Variants in ANO10 observed in about 807,000 individuals in gnomAD.
The protein encoded by ANO10 is anoctamin 10, also known as anoctamin-10.
In ANO10, 77 loss-of-function variants were observed where a neutral mutation model predicts 74.7. The observed-to-expected ratio is 1.03, with a 90% CI of 0.86 to 1.25. The LOEUF is 1.25. Among genes scored for constraint, ANO10 ranks in the 50% most tolerant of loss-of-function variants. ANO10 has a pLI of 0.00. For synonymous variants in ANO10, 279 were observed against 284.9 expected (o/e 0.98, Z 0.21); for missense variants, 721 against 778.1 (o/e 0.93, Z 0.87).
At chr3:43,542,935 A>G (rs1003309532) in intron 11 of ANO10, among the ~76,000 whole-genome samples, 3 of 152,188 alleles carry the variant, frequency 2.0e-5, no homozygotes, top group Non-Finnish European at 4.4e-5. Context: ...CACCTGCTCA[A>G]TACCAGACAC....
chr3:43,497,802 A>T (rs1481196543), intron 11 of ANO10, among the ~76,000 whole-genome samples: 1 of 152,144 alleles, frequency 6.6e-6, no homozygotes, highest in Non-Finnish European at 1.5e-5. Context: ...TGAAATAAAG[A>T]TTTTTATTCT....
At chr3:43,613,467 G>T (rs779933987) in intron 1 of ANO10, among the ~76,000 whole-genome samples, 1 of 152,118 alleles carries the variant, frequency 6.6e-6, no homozygotes, top group Non-Finnish European at 1.5e-5. Flanking sequence ...CAGAGCAGAG[G>T]GGCTACATTT....
intron 10 of ANO10, among the ~76,000 whole-genome samples, chr3:43,554,177 G>C (rs953802797): frequency 2.0e-5 from 3 of 148,498 alleles, no homozygotes; most frequent in Non-Finnish European, 4.5e-5. Flanking sequence ...TCTATGATGA[G>C]TGATTTTTCT....
chr3:43,382,326 T>C (rs1332948742), intron 12 of ANO10, among the ~76,000 whole-genome samples: 8 of 152,030 alleles, frequency 5.3e-5, no homozygotes, highest in African/African-American at 1.4e-4. Flanking sequence ...GAGACCACCC[T>C]GGCTAACACG....
chr3:43,576,787 C>T lies in ANO10; in HGVS notation c.1067G>A (p.Ser356Asn), dbSNP rs779618110. ...GATGCTGGGCACATACAACAGGACA[C>T]TGGTCCACTCAGACCCGCTGTTCTC... ...LHENSGSEWT[S>N]VLLYVPSIIY... Residue 356 changes from serine (S) to asparagine (N), a missense_variant, in exon 6 of 13, where the codon AGT becomes AAT. By Grantham distance (46) the Ser-to-Asn change is conservative. Transcript: ENST00000292246. 1.2e-6 allele frequency: 2 copies of T among 1,614,182 alleles called. No individual in the cohort carries two copies. The highest frequency in any genetic ancestry group is 2.2e-5 in the South Asian group (2 of 91,084).
At chr3:43,590,907 A>C (rs996219678) in intron 4 of ANO10, among the ~76,000 whole-genome samples, 1 of 152,182 alleles carries the variant, frequency 6.6e-6, no homozygotes, top group Non-Finnish European at 1.5e-5. Context: ...GGGGCTTGTA[A>C]CTCAACTCAC....
At chr3:43,496,106 T>C (rs1009420992) in intron 11 of ANO10, among the ~76,000 whole-genome samples, 1 of 152,138 alleles carries the variant, frequency 6.6e-6, no homozygotes, top group Non-Finnish European at 1.5e-5. Context: ...ACTGTACCTA[T>C]TAAAAGTAGT....
intron 1 of ANO10, among the ~76,000 whole-genome samples, chr3:43,669,356 T>A (rs967645131): frequency 1.3e-5 from 2 of 152,214 alleles, no homozygotes; most frequent in Non-Finnish European, 2.9e-5. Context: ...GTAGCATTCC[T>A]GGAGGTAAAA....
chr3:43,584,350 T>C (rs571536097), intron 4 of ANO10, among the ~76,000 whole-genome samples: 3 of 152,288 alleles, frequency 2.0e-5, no homozygotes, highest in Non-Finnish European at 4.4e-5. Flanking sequence ...CTTGTTATCA[T>C]AGCCATGTAG....
At chr3:43,598,737 C>T (rs533052048) in intron 3 of ANO10, 71 bp from the exon 4 acceptor site, 3 of 1,249,836 alleles carry the variant, frequency 2.4e-6, no homozygotes, top group South Asian at 2.7e-5. Context: ...CCTGAGATTA[C>T]AGAAATAATG....
At chr3:43,481,774 GA>G (rs1239894480) in intron 11 of ANO10, among the ~76,000 whole-genome samples, 1 of 152,124 alleles carries the variant, frequency 6.6e-6, no homozygotes, top group African/African-American at 2.4e-5. Context: ...TTGCCAGTCA[GA>G]AAATCTTTTA....
chr3:43,482,991 A>G (rs79143706), intron 11 of ANO10, among the ~76,000 whole-genome samples: 147 of 152,320 alleles, frequency 9.7e-4, no homozygotes, highest in Non-Finnish European at 1.7e-3. Flanking sequence ...AAGGCCATGG[A>G]TCGTAAAGAA....
intron 1 of ANO10, 25 bp downstream of exon 1, chr3:43,621,884 G>C (rs2083414577): frequency 6.6e-6 from 1 of 152,426 alleles, no homozygotes; most frequent in African/African-American, 2.4e-5. Flanking sequence ...CAGCTGGGGG[G>C]TCCGAGGTGC....
intron 11 of ANO10, among the ~76,000 whole-genome samples, chr3:43,434,542 T>A (rs2093038404): frequency 6.6e-6 from 1 of 152,206 alleles, no homozygotes; most frequent in Non-Finnish European, 1.5e-5. Context: ...TGTGTGGGCT[T>A]AAGTTGCCAG....
chr3:43,681,239 C>G (rs1036185883), intron 1 of ANO10, among the ~76,000 whole-genome samples: 1 of 151,806 alleles, frequency 6.6e-6, no homozygotes, highest in African/African-American at 2.4e-5. Flanking sequence ...GGAAGATCTA[C>G]CAAGCAAATG....
intron 10 of ANO10, 40 bp from the exon 11 acceptor site, chr3:43,549,888 T>C (rs2149308260): frequency 6.2e-7 from 1 of 1,608,420 alleles, no homozygotes; most frequent in Non-Finnish European, 8.5e-7. Flanking sequence ...TTGCAATGAC[T>C]GCTTCCATAT....
intron 12 of ANO10, among the ~76,000 whole-genome samples, chr3:43,404,156 G>C (rs1553648370): frequency 6.6e-6 from 1 of 152,190 alleles, no homozygotes; most frequent in South Asian, 2.1e-4. Flanking sequence ...ATTTAAAAGA[G>C]GGCCTCAGCT....
intron 7 of ANO10, among the ~76,000 whole-genome samples, chr3:43,574,465 T>G (rs973164948): frequency 3.9e-5 from 6 of 152,074 alleles, no homozygotes; most frequent in African/African-American, 1.2e-4. Flanking sequence ...GAGACAGGGT[T>G]TCACCATGTT....
At chr3:43,473,030 C>CTT (rs10682474) in intron 11 of ANO10, among the ~76,000 whole-genome samples, 140,144 of 152,160 alleles carry the variant, frequency 0.92, 64,823 homozygotes, top group Non-Finnish European at 0.97. Flanking sequence ...ATTCACTGAA[C>CTT]TTTTAGCATT....
Sources: gnomAD v4.1 joint callset for allele counts (sites outside exome capture counted in the v4.1 genomes callset) on GRCh38, gnomAD v4.1.1 for gene constraint, MANE v1.5 for transcripts, NCBI Gene and HGNC (gene_info 2026-07-23, HGNC 2026-07-21) for gene names.